OPCML: variants seen among roughly 807,000 people sequenced by gnomAD.
OPCML encodes the protein opioid binding protein/cell adhesion molecule like.
OPCML carries 13 observed loss-of-function variants against 37.8 expected under a neutral mutation model. That is an observed-to-expected ratio of 0.34 (90% CI 0.22 to 0.55). The LOEUF is 0.55. Among genes scored for constraint, OPCML ranks in the 20% least tolerant of loss-of-function variants. The pLI is 0.91. For synonymous variants in OPCML, 176 were observed against 168.8 expected (o/e 1.04, Z -0.33); for missense variants, 341 against 435.6 (o/e 0.78, Z 1.93).
At chr11:132,893,260 TCAAAACAAAA>T (rs1383436067) in intron 2 of OPCML, among the ~76,000 whole-genome samples, 1 of 152,120 alleles carries the variant, frequency 6.6e-6, no homozygotes, top group Non-Finnish European at 1.5e-5. Flanking sequence ...AGACTCCGTC[TCAAAACAAAA>T]CAAAACAAAA....
intron 2 of OPCML, among the ~76,000 whole-genome samples, chr11:132,692,644 C>T (rs1043986515): frequency 2.6e-5 from 4 of 152,116 alleles, no homozygotes; most frequent in East Asian, 1.9e-4. Flanking sequence ...GTTGAGCTTC[C>T]GGAGGCAGGA....
chr11:132,630,961 T>C (rs1421517845), intron 3 of OPCML, among the ~76,000 whole-genome samples: 1 of 152,052 alleles, frequency 6.6e-6, no homozygotes, highest in Non-Finnish European at 1.5e-5. Flanking sequence ...ATGAACTATG[T>C]CTACATAAAA....
chr11:132,898,697 C>G (rs1288688414), intron 2 of OPCML, among the ~76,000 whole-genome samples: 1 of 152,102 alleles, frequency 6.6e-6, no homozygotes, highest in South Asian at 2.1e-4. Flanking sequence ...TCACCAATAC[C>G]CCTAGTGACC....
chr11:132,984,966 T>TC (rs1946659896), intron 1 of OPCML, among the ~76,000 whole-genome samples: 2 of 151,980 alleles, frequency 1.3e-5, no homozygotes, highest in South Asian at 4.2e-4. Context: ...TGTCCTTTGT[T>TC]CCCCCGTAGA....
intron 1 of OPCML, among the ~76,000 whole-genome samples, chr11:133,397,132 T>C (rs1284995243): frequency 1.3e-5 from 2 of 152,180 alleles, no homozygotes; most frequent in Non-Finnish European, 2.9e-5. Context: ...AAACAGCTGG[T>C]TAATATTTAT....
intron 1 of OPCML, among the ~76,000 whole-genome samples, chr11:133,488,076 T>C (rs1399293412): frequency 6.6e-6 from 1 of 152,110 alleles, no homozygotes; most frequent in Non-Finnish European, 1.5e-5. Context: ...CCATTCATGA[T>C]AAACATCCTC....
intron 2 of OPCML, among the ~76,000 whole-genome samples, chr11:132,744,734 G>A (rs1945555326): frequency 6.6e-6 from 1 of 152,186 alleles, no homozygotes; most frequent in Admixed American, 6.5e-5. Context: ...CAATATATAA[G>A]CATGTGCAAA....
intron 1 of OPCML, among the ~76,000 whole-genome samples, chr11:133,218,502 G>C (rs1047116179): frequency 1.3e-5 from 2 of 152,206 alleles, no homozygotes; most frequent in African/African-American, 2.4e-5. Context: ...GCTGAGGTAT[G>C]TACAAGAATT....
At chr11:133,374,430 T>G (rs1008121942) in intron 1 of OPCML, among the ~76,000 whole-genome samples, 5 of 152,184 alleles carry the variant, frequency 3.3e-5, no homozygotes, top group Non-Finnish European at 5.9e-5. Flanking sequence ...CATATATAAC[T>G]TATCCAATTG....
intron 2 of OPCML, among the ~76,000 whole-genome samples, chr11:132,790,191 T>G (rs967550695): frequency 6.6e-6 from 1 of 152,152 alleles, no homozygotes; most frequent in Admixed American, 6.5e-5. Flanking sequence ...TCCACCTAAG[T>G]GCCCATCAAC....
intron 1 of OPCML, among the ~76,000 whole-genome samples, chr11:133,137,936 T>C (rs1949715716): frequency 6.6e-6 from 1 of 152,164 alleles, no homozygotes; most frequent in South Asian, 2.1e-4. Context: ...ACAGGTTCCT[T>C]TTTCAAGAGT....
chr11:133,125,979 TATAG>T (rs1156769393), intron 1 of OPCML, among the ~76,000 whole-genome samples: 8 of 149,990 alleles, frequency 5.3e-5, no homozygotes, highest in African/African-American at 2.0e-4. Flanking sequence ...TACATGTATA[TATAG>T]ACACACGTAT....
chr11:132,432,680 C>G (rs2096001308), intron 7 of OPCML, among the ~76,000 whole-genome samples: 1 of 152,158 alleles, frequency 6.6e-6, no homozygotes, highest in Non-Finnish European at 1.5e-5. Flanking sequence ...CTGTGAGCTA[C>G]TGTGTGTAGA....
At chr11:132,881,428 T>A (rs1156605282) in intron 2 of OPCML, among the ~76,000 whole-genome samples, 2 of 152,012 alleles carry the variant, frequency 1.3e-5, no homozygotes, top group African/African-American at 4.8e-5. Flanking sequence ...TGAAGGACCC[T>A]CAGGAGGAGC....
At chr11:133,040,595 T>G (rs1331440006) in intron 1 of OPCML, among the ~76,000 whole-genome samples, 1 of 152,126 alleles carries the variant, frequency 6.6e-6, no homozygotes, top group Non-Finnish European at 1.5e-5. Context: ...TTGGAAGGAA[T>G]TTGGAAAGAG....
intron 1 of OPCML, among the ~76,000 whole-genome samples, chr11:133,226,058 G>A (rs916555930): frequency 6.6e-6 from 1 of 152,252 alleles, no homozygotes; most frequent in East Asian, 1.9e-4. Flanking sequence ...TTAAGTGACA[G>A]AGCTGGGATT....
chr11:132,890,858 AAAAAAAAAAAAAAAAG>A (rs1456938653), intron 2 of OPCML, among the ~76,000 whole-genome samples: 126 of 135,110 alleles, frequency 9.3e-4, no homozygotes, highest in Non-Finnish European at 5.9e-4. Context: ...CTCCATCTCA[AAAAAAAAAAAAAAAAG>A]AAAAAAAAAG....
intron 3 of OPCML, among the ~76,000 whole-genome samples, chr11:132,632,646 CT>C (rs1228423578): frequency 3.3e-5 from 5 of 152,086 alleles, no homozygotes; most frequent in Non-Finnish European, 5.9e-5. Context: ...ATATCTACTC[CT>C]TTTGGTCTTT....
chr11:133,442,037 T>C (rs948747529), intron 1 of OPCML, among the ~76,000 whole-genome samples: 1 of 152,204 alleles, frequency 6.6e-6, no homozygotes, highest in Non-Finnish European at 1.5e-5. Flanking sequence ...GCCACTGTTT[T>C]AGGGTTCACT....
Sources: gnomAD v4.1 joint callset for allele counts (sites outside exome capture counted in the v4.1 genomes callset) on GRCh38, gnomAD v4.1.1 for gene constraint, MANE v1.5 for transcripts, NCBI Gene and HGNC (gene_info 2026-07-23, HGNC 2026-07-21) for gene names.